The following ERAP1 variants were observed in gnomAD, a reference collection of about 807,000 sequenced individuals.
The protein encoded by ERAP1 is endoplasmic reticulum aminopeptidase 1, also known as adipocyte-derived leucine aminopeptidase.
Under a neutral mutation model 103.7 loss-of-function variants are expected in ERAP1, and 86 were observed. The observed-to-expected ratio is 0.83, with a 90% CI of 0.70 to 0.99. ERAP1 has a LOEUF of 0.99. Ranked by LOEUF, ERAP1 falls within the 50% of genes least tolerant of loss-of-function variation. The pLI is 0.00. For missense variants in ERAP1, 1,009 were observed against 1,128.4 expected, an observed-to-expected ratio of 0.89 and a Z score of 1.52; for synonymous variants, 398 against 402.4, an observed-to-expected ratio of 0.99 and a Z score of 0.13.
At chr5:96,868,766 T>C in the ERAP1 span, among the ~76,000 whole-genome samples, 1 of 152,204 alleles carries the variant, frequency 6.6e-6, no homozygotes, top group African/African-American at 2.4e-5. Context: ...ATGTTCAGTA[T>C]GCTGCTGATG....
At chr5:96,814,014 T>C in the ERAP1 span, 1 of 258,966 alleles carries the variant, frequency 3.9e-6, no homozygotes. Flanking sequence ...TGTGTATCAA[T>C]AATACGAACA....
At chr5:96,935,815 A>C in the ERAP1 span, 1 of 326,744 alleles carries the variant, frequency 3.1e-6, no homozygotes, top group Non-Finnish European at 5.7e-6. Flanking sequence ...TGAGTGACTG[A>C]ACACCGTTCC....
chr5:96,897,388 C>T, the ERAP1 span, among the ~76,000 whole-genome samples: 2 of 152,314 alleles, frequency 1.3e-5, no homozygotes, highest in East Asian at 3.9e-4. Flanking sequence ...GAGATTTCAC[C>T]TCCTCCTTAC....
chr5:96,858,625 C>A, the ERAP1 span, among the ~76,000 whole-genome samples: 1 of 152,148 alleles, frequency 6.6e-6, no homozygotes, highest in African/African-American at 2.4e-5. Context: ...TTTCTCTGAG[C>A]CCTAAATTTG....
the ERAP1 span, among the ~76,000 whole-genome samples, chr5:96,906,174 C>T: frequency 1.6e-5 from 2 of 121,578 alleles, no homozygotes; most frequent in East Asian, 2.5e-4. Context: ...AACCACGACA[C>T]GACACTGTCT....
At chr5:96,790,205 G>A in intron 10 of ERAP1, 91 bp downstream of exon 10, 2 of 1,049,080 alleles carry the variant, frequency 1.9e-6, no homozygotes, top group Admixed American at 1.8e-5. Context: ...TATAATCAAG[G>A]ACCTCAGAAA....
chr5:96,869,796 G>C, the ERAP1 span, among the ~76,000 whole-genome samples: 1 of 152,164 alleles, frequency 6.6e-6, no homozygotes, highest in Admixed American at 6.5e-5. Flanking sequence ...GAAGAGGATG[G>C]GTGCCCAGGC....
At chr5:96,763,444 AG>A (rs1768733542) in intron 19 of ERAP1, among the ~76,000 whole-genome samples, 1 of 152,202 alleles carries the variant, frequency 6.6e-6, no homozygotes, top group South Asian at 2.1e-4. Flanking sequence ...TTAATAGCCT[AG>A]GCTGCCGTTT....
chr5:96,794,804 C>G (rs1026400942), intron 5 of ERAP1, among the ~76,000 whole-genome samples: 4 of 152,152 alleles, frequency 2.6e-5, no homozygotes, highest in African/African-American at 9.7e-5. Flanking sequence ...AAAAGAGTCC[C>G]CATGCCATAT....
intron 10 of ERAP1, among the ~76,000 whole-genome samples, chr5:96,789,781 A>G (rs1354164214): frequency 6.6e-6 from 1 of 152,256 alleles, no homozygotes; most frequent in African/African-American, 2.4e-5. Context: ...TCTGCAATTT[A>G]CCAATCAGAT....
chr5:96,911,393 C>A, the ERAP1 span, among the ~76,000 whole-genome samples: 6 of 152,126 alleles, frequency 3.9e-5, no homozygotes, highest in South Asian at 1.2e-3. Context: ...CATATGCCCA[C>A]TTAGAATAAA....
rs181903796 is a variant in ERAP1, at chr5:96,787,033, G to A, written c.1680-484C>T. Among the ~76,000 whole-genome samples the A allele has an allele frequency of 5.1e-3, 779 of 152,224 alleles. 4 individuals carry two copies. The highest frequency in any genetic ancestry group is 7.7e-3 in the Admixed American group (118 of 15,288). On this transcript the variant is annotated intron_variant, in intron 11 of 18. Coordinates refer to ENST00000443439, the MANE Select transcript of ERAP1 (RefSeq NM_001040458.3). Reference sequence around the variant, plus strand: ...AATATCGAGAAGCCCAAAAAAGACTGAAGAGTTGTTTCAGAAAAAAATGGA... The same window carrying A: ...AATATCGAGAAGCCCAAAAAAGACTAAAGAGTTGTTTCAGAAAAAAATGGA...
the ERAP1 span, among the ~76,000 whole-genome samples, chr5:96,824,033 C>T: frequency 6.2e-4 from 94 of 152,166 alleles, no homozygotes; most frequent in Non-Finnish European, 1.2e-3. Context: ...CGTGATGATT[C>T]CTATCCCAGA....
chr5:96,888,899 T>C, the ERAP1 span, among the ~76,000 whole-genome samples: 1 of 152,224 alleles, frequency 6.6e-6, no homozygotes, highest in African/African-American at 2.4e-5. Flanking sequence ...TTCCTCTCTA[T>C]GATATACTTG....
chr5:96,862,983 A>G, the ERAP1 span, among the ~76,000 whole-genome samples: 2 of 152,202 alleles, frequency 1.3e-5, no homozygotes, highest in African/African-American at 4.8e-5. Flanking sequence ...TGAGCAGGGC[A>G]TAACTGAAAG....
chr5:96,858,214 C>CT, the ERAP1 span, among the ~76,000 whole-genome samples: 71 of 144,580 alleles, frequency 4.9e-4, no homozygotes, highest in South Asian at 1.5e-3. Flanking sequence ...CCTTGTTCTT[C>CT]TTCTTTTTTT....
At chr5:96,802,237 C>T (rs114639432) in intron 2 of ERAP1, among the ~76,000 whole-genome samples, 138 of 151,894 alleles carry the variant, frequency 9.1e-4, no homozygotes, top group Admixed American at 4.5e-3. Flanking sequence ...TTTCCATTCC[C>T]GAGGGATTAA....
chr5:96,917,688 C>T, the ERAP1 span: 5 of 1,146,976 alleles, frequency 4.4e-6, no homozygotes, highest in Non-Finnish European at 6.1e-6. Context: ...GGGCGGATCA[C>T]GAGGTCAGGA....
At chr5:96,816,951 G>C in the ERAP1 span, among the ~76,000 whole-genome samples, 1 of 152,230 alleles carries the variant, frequency 6.6e-6, no homozygotes, top group Non-Finnish European at 1.5e-5. Context: ...TACAGCACCA[G>C]AGTGGCCATT....
Sources: gnomAD v4.1 joint callset for allele counts (sites outside exome capture counted in the v4.1 genomes callset) on GRCh38, gnomAD v4.1.1 for gene constraint, MANE v1.5 for transcripts, NCBI Gene and HGNC (gene_info 2026-07-23, HGNC 2026-07-21) for gene names.